The following PTPRT variants were observed in gnomAD, a reference collection of about 807,000 sequenced individuals.
PTPRT encodes the protein protein tyrosine phosphatase receptor type T, also known as receptor-type tyrosine-protein phosphatase T.
PTPRT carries 56 observed loss-of-function variants against 176.8 expected under a neutral mutation model. The ratio of observed to expected loss-of-function variants is 0.32; its 90% CI spans 0.26 to 0.40. The LOEUF is 0.40. Among genes scored for constraint, PTPRT ranks in the 10% least tolerant of loss-of-function variants. The probability of loss-of-function intolerance (pLI) is 1.00; values close to 1 mark genes in which losing one functional copy is unlikely to be tolerated. For missense variants in PTPRT, 1,540 were observed against 1,908.2 expected (o/e 0.81, Z 3.60); for synonymous variants, 783 against 739.0 (o/e 1.06, Z -0.96).
At chr20:42,033,461 G>C in the PTPRT span, among the ~76,000 whole-genome samples, 1 of 152,118 alleles carries the variant, frequency 6.6e-6, no homozygotes, top group African/African-American at 2.4e-5. Flanking sequence ...GGATCTGGAG[G>C]GTTCTTTGTG....
chr20:42,577,088 A>G (rs2073274801), intron 7 of PTPRT, among the ~76,000 whole-genome samples: 1 of 152,204 alleles, frequency 6.6e-6, no homozygotes, highest in Non-Finnish European at 1.5e-5. Flanking sequence ...AGACTTAACA[A>G]GCTGAAAAGA....
At chr20:43,043,015 G>A (rs1986684855) in intron 1 of PTPRT, among the ~76,000 whole-genome samples, 1 of 152,096 alleles carries the variant, frequency 6.6e-6, no homozygotes, top group African/African-American at 2.4e-5. Flanking sequence ...GGTCACATGT[G>A]GCCCATCTGA....
chr20:42,548,577 G>A (rs1016682053), intron 7 of PTPRT, among the ~76,000 whole-genome samples: 1 of 152,078 alleles, frequency 6.6e-6, no homozygotes, highest in Non-Finnish European at 1.5e-5. Context: ...TGACTTAAGG[G>A]TGGAGGACTT....
intron 7 of PTPRT, among the ~76,000 whole-genome samples, chr20:42,569,654 T>A (rs750584696): frequency 5.3e-5 from 8 of 152,108 alleles, no homozygotes; most frequent in Non-Finnish European, 8.8e-5. Flanking sequence ...AGATGCCAAA[T>A]GAGAATGGGT....
chr20:43,083,358 ATATATATATAT>A (rs1568774274), intron 1 of PTPRT, among the ~76,000 whole-genome samples: 1,434 of 129,440 alleles, frequency 0.011, 80 homozygotes, highest in African/African-American at 0.041. Context: ...ATATATATAT[ATATATATATAT>A]ACATTTTTTG....
chr20:43,173,472 C>T (rs1319940778), intron 1 of PTPRT, among the ~76,000 whole-genome samples: 1 of 152,174 alleles, frequency 6.6e-6, no homozygotes. Context: ...CCATCTGATG[C>T]CTTGGCTTCG....
At chr20:42,966,559 C>T (rs774135989) in intron 1 of PTPRT, 12 of 152,130 alleles carry the variant, frequency 7.9e-5, no homozygotes, top group Non-Finnish European at 1.5e-4. Context: ...AGGTACCGCC[C>T]AACTTATAGT....
intron 7 of PTPRT, among the ~76,000 whole-genome samples, chr20:42,492,433 A>G (rs2071575879): frequency 1.3e-5 from 2 of 152,088 alleles, no homozygotes; most frequent in Admixed American, 6.6e-5. Flanking sequence ...CATTTTCCTA[A>G]TGACTAATCA....
chr20:43,132,963 C>T (rs1406624673), intron 1 of PTPRT, among the ~76,000 whole-genome samples: 2 of 152,200 alleles, frequency 1.3e-5, no homozygotes, highest in South Asian at 2.1e-4. Flanking sequence ...TTGGATAATG[C>T]GGTTCTTAAC....
At chr20:42,620,710 G>A (rs2074177623) in intron 7 of PTPRT, among the ~76,000 whole-genome samples, 1 of 152,158 alleles carries the variant, frequency 6.6e-6, no homozygotes, top group Admixed American at 6.5e-5. Flanking sequence ...TTTTCCAGGT[G>A]CGTCAGTCAC....
At chr20:42,782,974 T>C (rs1461805760) in intron 3 of PTPRT, among the ~76,000 whole-genome samples, 1 of 152,188 alleles carries the variant, frequency 6.6e-6, no homozygotes, top group Non-Finnish European at 1.5e-5. Context: ...GTATATATAA[T>C]GTAAATAATA....
chr20:42,238,548 GA>G (rs1896853954), intron 14 of PTPRT, among the ~76,000 whole-genome samples: 1 of 152,186 alleles, frequency 6.6e-6, no homozygotes, highest in African/African-American at 2.4e-5. Flanking sequence ...CCAGTGCCTG[GA>G]AGGTGATTCC....
intron 19 of PTPRT, among the ~76,000 whole-genome samples, chr20:42,128,189 A>G (rs901253736): frequency 2.0e-5 from 3 of 152,128 alleles, no homozygotes; most frequent in Non-Finnish European, 4.4e-5. Context: ...TTTAAATCAT[A>G]TCTGTGCTTG....
intron 16 of PTPRT, among the ~76,000 whole-genome samples, chr20:42,171,573 A>G (rs1430235030): frequency 6.6e-6 from 1 of 152,144 alleles, no homozygotes; most frequent in African/African-American, 2.4e-5. Context: ...ATGTGTATGT[A>G]CTGTACAGGG....
intron 7 of PTPRT, among the ~76,000 whole-genome samples, chr20:42,648,849 G>T (rs1417415012): frequency 1.0e-5 from 1 of 98,400 alleles, no homozygotes; most frequent in Non-Finnish European, 1.9e-5. Context: ...GACAGAGTCT[G>T]GCTCTGTCGC....
intron 23 of PTPRT, among the ~76,000 whole-genome samples, chr20:42,110,110 G>A (rs992147524): frequency 2.0e-5 from 3 of 150,996 alleles, no homozygotes; most frequent in Non-Finnish European, 3.0e-5. Flanking sequence ...GCAGTGGCGC[G>A]ATCTTGGCTC....
At chr20:42,160,567 T>C (rs1247490761) in intron 17 of PTPRT, among the ~76,000 whole-genome samples, 1 of 151,984 alleles carries the variant, frequency 6.6e-6, no homozygotes, top group Non-Finnish European at 1.5e-5. Flanking sequence ...TAAAGAAGAC[T>C]TTGAGGAGAA....
chr20:42,376,637 G>T (rs538712357), intron 9 of PTPRT, among the ~76,000 whole-genome samples: 1 of 152,270 alleles, frequency 6.6e-6, no homozygotes, highest in African/African-American at 2.4e-5. Flanking sequence ...ATGGTGAAAA[G>T]CTCAGACTTG....
intron 7 of PTPRT, among the ~76,000 whole-genome samples, chr20:42,632,518 C>T (rs1158255321): frequency 6.6e-6 from 1 of 151,950 alleles, no homozygotes; most frequent in Non-Finnish European, 1.5e-5. Context: ...CCACCACACC[C>T]GGCCACTATC....
Sources: allele counts gnomAD v4.1 joint callset (sites outside exome capture counted in the v4.1 genomes callset), GRCh38; gene constraint gnomAD v4.1.1; transcripts MANE v1.5; gene names NCBI Gene and HGNC (gene_info 2026-07-23, HGNC 2026-07-21).